Variants in WDR47 observed in about 807,000 individuals in gnomAD.
WDR47 encodes WD repeat domain 47.
A neutral mutation model predicts 97.2 loss-of-function variants in WDR47; 32 were observed. The observed-to-expected ratio is 0.33, with a 90% confidence interval of 0.25 to 0.44. The LOEUF (loss-of-function observed/expected upper bound fraction) is 0.44. WDR47 is among the 20% of genes least tolerant of loss of function. The probability of loss-of-function intolerance (pLI) is 1.00; values close to 1 mark genes in which losing one functional copy is unlikely to be tolerated. For synonymous variants in WDR47, 375 were observed against 373.5 expected, an observed-to-expected ratio of 1.00 and a Z score of -0.05; for missense variants, 782 against 1,102.3, an observed-to-expected ratio of 0.71 and a Z score of 4.11.
chr1:108,978,138 A>G (rs1658061845), intron 13 of WDR47, among the ~76,000 whole-genome samples: 1 of 151,274 alleles, frequency 6.6e-6, no homozygotes, highest in South Asian at 2.1e-4. Flanking sequence ...TTCATATCTT[A>G]CAGTGTCCCG....
At chr1:108,977,915 C>T (rs904111620) in intron 13 of WDR47, among the ~76,000 whole-genome samples, 2 of 149,180 alleles carry the variant, frequency 1.3e-5, no homozygotes, top group Non-Finnish European at 1.5e-5. Context: ...ACCTGGGAGA[C>T]GGAAGTTGCA....
At chr1:109,041,812 C>G (rs1266188060) in intron 1 of WDR47, 50 bp downstream of exon 1, 1 of 152,294 alleles carries the variant, frequency 6.6e-6, no homozygotes, top group Non-Finnish European at 1.5e-5. Flanking sequence ...CCATGGCAAC[C>G]CGAGGTGTGC....
In WDR47 at chr1:109,034,406, A is replaced by G. The variant is rs564196552; in HGVS notation, c.-10+7456T>C. 3.3e-5 allele frequency among the ~76,000 whole-genome samples: 5 copies of G among 152,362 alleles called. No homozygotes were observed. In the South Asian group the frequency reaches 1.0e-3, roughly 32 times the overall value. On this transcript the variant is annotated intron_variant, in intron 1 of 14. Coordinates refer to ENST00000369962, the MANE Select transcript of WDR47 (RefSeq NM_001142551.2). ...AATTTATTTGTAATAGAGAAAAATT[A>G]GAAATAAACTGAACTGTCCTTAATA...
chr1:109,032,212 T>C (rs1662647211), intron 1 of WDR47, among the ~76,000 whole-genome samples: 1 of 139,318 alleles, frequency 7.2e-6, no homozygotes, highest in Admixed American at 7.7e-5. Flanking sequence ...ACAATTCACA[T>C]GATAAAAACG....
intron 4 of WDR47, among the ~76,000 whole-genome samples, chr1:109,012,857 C>G (rs1053934545): frequency 6.6e-6 from 1 of 152,096 alleles, no homozygotes; most frequent in African/African-American, 2.4e-5. Flanking sequence ...AACTCATGTT[C>G]CAGTGTTCTT....
chr1:109,023,567 T>C (rs1481203495), intron 1 of WDR47, 46 bp from the exon 2 acceptor site: 4 of 1,563,426 alleles, frequency 2.6e-6, no homozygotes, highest in Non-Finnish European at 3.5e-6. Context: ...TATTGATTTA[T>C]TTCTAAGTTT....
At chr1:109,010,531 A>ATATACACAC (rs1345355173) in intron 5 of WDR47, among the ~76,000 whole-genome samples, 2 of 151,762 alleles carry the variant, frequency 1.3e-5, no homozygotes, top group Non-Finnish European at 2.9e-5. Context: ...CAAAGAAAAC[A>ATATACACAC]TATACACACT....
At chr1:109,014,910 A>T (rs946128901) in intron 3 of WDR47, among the ~76,000 whole-genome samples, 3 of 152,216 alleles carry the variant, frequency 2.0e-5, no homozygotes, top group Non-Finnish European at 2.9e-5. Context: ...CCACTGTTGT[A>T]GTAGCAAATT....
intron 5 of WDR47, among the ~76,000 whole-genome samples, chr1:109,006,322 G>A (rs1660614951): frequency 6.6e-6 from 1 of 152,114 alleles, no homozygotes; most frequent in Non-Finnish European, 1.5e-5. Flanking sequence ...GAACCCGGGA[G>A]GCGGAGGTTG....
intron 13 of WDR47, among the ~76,000 whole-genome samples, chr1:108,976,425 T>TA (rs1553226194): frequency 6.7e-6 from 1 of 149,320 alleles, no homozygotes; most frequent in Non-Finnish European, 1.5e-5. Flanking sequence ...AGAGGAGAAA[T>TA]ACAGTTTAGT....
intron 1 of WDR47, among the ~76,000 whole-genome samples, chr1:109,034,404 T>C (rs150579801): frequency 6.6e-6 from 1 of 152,162 alleles, no homozygotes; most frequent in African/African-American, 2.4e-5. Flanking sequence ...TAGAGAAAAA[T>C]TAGAAATAAA....
intron 7 of WDR47, among the ~76,000 whole-genome samples, chr1:109,001,642 C>A (rs764190336): frequency 1.4e-4 from 21 of 152,080 alleles, no homozygotes; most frequent in Non-Finnish European, 2.5e-4. Context: ...GTAATTCCTG[C>A]ACTTTGGGAG....
chr1:109,001,759 G>T (rs1660208495), intron 7 of WDR47, among the ~76,000 whole-genome samples: 1 of 152,070 alleles, frequency 6.6e-6, no homozygotes, highest in Non-Finnish European at 1.5e-5. Flanking sequence ...GGGTGTGGTG[G>T]TATATGCTGT....
At chr1:108,973,182 C>G (rs1270274735) in intron 14 of WDR47, among the ~76,000 whole-genome samples, 3 of 151,178 alleles carry the variant, frequency 2.0e-5, no homozygotes, top group South Asian at 4.2e-4. Flanking sequence ...TTGGAGAGAC[C>G]TACTCCAATT....
intron 5 of WDR47, among the ~76,000 whole-genome samples, chr1:109,006,611 T>C (rs1182986366): frequency 6.6e-6 from 1 of 152,168 alleles, no homozygotes; most frequent in Non-Finnish European, 1.5e-5. Context: ...CAATAACCTG[T>C]GAAACAGTTT....
At chr1:109,019,067 C>T (rs973611438) in intron 2 of WDR47, among the ~76,000 whole-genome samples, 1 of 151,854 alleles carries the variant, frequency 6.6e-6, no homozygotes, top group African/African-American at 2.4e-5. Flanking sequence ...CATAGCAAGA[C>T]CCTGTTTCAA....
intron 1 of WDR47, among the ~76,000 whole-genome samples, chr1:109,038,158 A>C (rs1028453165): frequency 7.9e-5 from 12 of 152,096 alleles, no homozygotes; most frequent in Non-Finnish European, 7.3e-5. Flanking sequence ...TTCTCAGTTA[A>C]AACAGGATGT....
At chr1:108,981,210 G>C (rs937522992) in intron 13 of WDR47, among the ~76,000 whole-genome samples, 2 of 151,940 alleles carry the variant, frequency 1.3e-5, no homozygotes, top group African/African-American at 4.8e-5. Context: ...AGTTTAGAAA[G>C]AGAAATTTGT....
chr1:108,982,951 T>TA (rs1418397504), intron 11 of WDR47, among the ~76,000 whole-genome samples, 172 bp from the exon 12 acceptor site: 5 of 152,198 alleles, frequency 3.3e-5, no homozygotes, highest in Non-Finnish European at 7.3e-5. Flanking sequence ...GCAAAGAATT[T>TA]TATCAAAATA....
Sources: gnomAD v4.1 joint callset for allele counts (sites outside exome capture counted in the v4.1 genomes callset) on GRCh38, gnomAD v4.1.1 for gene constraint, MANE v1.5 for transcripts, NCBI Gene and HGNC (gene_info 2026-07-23, HGNC 2026-07-21) for gene names.